Variants in RIMS2 observed in about 807,000 individuals in gnomAD.
RIMS2 encodes the protein regulating synaptic membrane exocytosis protein 2.
A neutral mutation model predicts 174.4 loss-of-function variants in RIMS2; 59 were observed. The observed-to-expected ratio is 0.34, with a 90% CI of 0.27 to 0.42. The LOEUF (loss-of-function observed/expected upper bound fraction) is 0.42. Among genes scored for constraint, RIMS2 ranks in the 10% least tolerant of loss-of-function variants. The pLI is 1.00. For synonymous variants in RIMS2, 606 were observed against 572.5 expected, an observed-to-expected ratio of 1.06 and a Z score of -0.84; for missense variants, 1,620 against 1,666.3, an observed-to-expected ratio of 0.97 and a Z score of 0.48.
intron 1 of RIMS2, among the ~76,000 whole-genome samples, chr8:103,680,906 T>C (rs1347650269): frequency 6.6e-6 from 1 of 151,972 alleles, no homozygotes; most frequent in African/African-American, 2.4e-5. Context: ...GGTTAATCCA[T>C]TTGGAAGAGC....
intron 14 of RIMS2, among the ~76,000 whole-genome samples, chr8:103,945,681 C>A (rs545331589): frequency 6.7e-6 from 1 of 149,826 alleles, no homozygotes; most frequent in South Asian, 2.1e-4. Flanking sequence ...GAAAAAAGAA[C>A]AAAAACCACA....
intron 2 of RIMS2, among the ~76,000 whole-genome samples, chr8:103,712,158 A>G (rs998381391): frequency 6.9e-6 from 1 of 144,724 alleles, no homozygotes; most frequent in Non-Finnish European, 1.5e-5. Context: ...CACCCGCTTA[A>G]TTTTTAAACT....
chr8:104,153,921 T>A (rs2098705555), intron 19 of RIMS2, among the ~76,000 whole-genome samples: 1 of 152,192 alleles, frequency 6.6e-6, no homozygotes, highest in Non-Finnish European at 1.5e-5. Flanking sequence ...ACCATTGAAT[T>A]TGGCAAGATG....
intron 19 of RIMS2, among the ~76,000 whole-genome samples, chr8:104,169,044 T>C (rs1257603895): frequency 1.3e-5 from 2 of 152,136 alleles, no homozygotes; most frequent in South Asian, 2.1e-4. Flanking sequence ...TTGGATTTGG[T>C]CAGCTAGTAT....
chr8:104,204,363 A>T (rs951856531), intron 19 of RIMS2, among the ~76,000 whole-genome samples: 7 of 151,976 alleles, frequency 4.6e-5, no homozygotes, highest in African/African-American at 1.7e-4. Context: ...ATGTGGGATT[A>T]ACTTGAGATG....
intron 19 of RIMS2, among the ~76,000 whole-genome samples, chr8:104,036,186 T>G: frequency 6.6e-6 from 1 of 151,890 alleles, no homozygotes; most frequent in East Asian, 1.9e-4. Flanking sequence ...GGTCTCTCTC[T>G]GTCACCCAGG....
intron 3 of RIMS2, among the ~76,000 whole-genome samples, chr8:103,799,477 G>T (rs1419096539): frequency 6.6e-6 from 1 of 152,124 alleles, no homozygotes; most frequent in East Asian, 1.9e-4. Context: ...TTTGTAGTCT[G>T]TCTATGTAGA....
chr8:103,946,051 A>G (rs776379976), intron 14 of RIMS2, among the ~76,000 whole-genome samples: 2 of 152,218 alleles, frequency 1.3e-5, no homozygotes, highest in Non-Finnish European at 2.9e-5. Flanking sequence ...AACTGCCTTT[A>G]TTCACAGATG....
intron 19 of RIMS2, among the ~76,000 whole-genome samples, chr8:104,153,681 G>C (rs1007814865): frequency 6.6e-6 from 1 of 152,022 alleles, no homozygotes; most frequent in East Asian, 1.9e-4. Flanking sequence ...GATTATATAT[G>C]GTAACTTGAA....
At chr8:103,907,221 G>A (rs556886805) in intron 4 of RIMS2, among the ~76,000 whole-genome samples, 19 of 152,140 alleles carry the variant, frequency 1.2e-4, no homozygotes, top group Non-Finnish European at 2.6e-4. Flanking sequence ...ATGTTCCCAG[G>A]TGTTGCTGAT....
chr8:104,151,419 G>A (rs139338666), intron 19 of RIMS2, among the ~76,000 whole-genome samples: 41 of 152,064 alleles, frequency 2.7e-4, no homozygotes, highest in Non-Finnish European at 5.4e-4. Context: ...AAATACAAAA[G>A]TTAGCCCCTC....
chr8:104,235,661 C>A (rs749025385), intron 19 of RIMS2, among the ~76,000 whole-genome samples: 3 of 152,054 alleles, frequency 2.0e-5, no homozygotes, highest in Non-Finnish European at 4.4e-5. Flanking sequence ...TTCACTCATA[C>A]ACACACATGC....
Position 103,782,433 on chromosome 8 carries a change from C to CGTGTGTGTGTGT in RIMS2, c.698+15919_698+15930dup, listed in dbSNP as rs71297237. On this transcript the variant is annotated intron_variant, in intron 3 of 23. Coordinates refer to ENST00000504942, the Ensembl canonical transcript of RIMS2. Reference sequence around the variant, plus strand: ...AAATGCTATCATGATACATAAATCCCGTGTGTGTGTGTGTGTGTGTGTGTG... The same window carrying CGTGTGTGTGTGT: ...AAATGCTATCATGATACATAAATCCCGTGTGTGTGTGTGTGTGTGTGTGTGTGTGTGTGTGTG... 2.5e-3 allele frequency among the ~76,000 whole-genome samples: 359 copies of CGTGTGTGTGTGT among 145,828 alleles called. 4 individuals carry two copies. Among genetic ancestry groups the CGTGTGTGTGTGT allele is most frequent in the African/African-American group, 8.7e-3 (345 of 39,642 alleles).
chr8:103,885,176 A>T, intron 3 of RIMS2, 122 bp from the exon 7 acceptor site: 1 of 1,364,438 alleles, frequency 7.3e-7, no homozygotes, highest in South Asian at 1.6e-5. Context: ...TATGCCTTTA[A>T]AATGAAATTT....
intron 3 of RIMS2, among the ~76,000 whole-genome samples, chr8:103,767,626 A>G (rs1031657323): frequency 1.3e-5 from 2 of 152,206 alleles, no homozygotes; most frequent in Admixed American, 1.3e-4. Context: ...ACAAATCTAA[A>G]TTGTACATAT....
intron 1 of RIMS2, among the ~76,000 whole-genome samples, chr8:103,625,548 C>T (rs1416601244): frequency 6.6e-6 from 1 of 151,942 alleles, no homozygotes; most frequent in Non-Finnish European, 1.5e-5. Flanking sequence ...TTTGTTTAGT[C>T]CTCACAACAA....
intron 3 of RIMS2, among the ~76,000 whole-genome samples, chr8:103,846,675 C>T (rs1045118529): frequency 4.6e-5 from 7 of 152,114 alleles, no homozygotes; most frequent in Admixed American, 1.3e-4. Context: ...ACCCTTTGTA[C>T]CAGTCAGAGC....
intron 1 of RIMS2, among the ~76,000 whole-genome samples, chr8:103,586,960 T>C (rs1468637995): frequency 6.6e-6 from 1 of 152,082 alleles, no homozygotes; most frequent in Non-Finnish European, 1.5e-5. Flanking sequence ...TGAGCTACTG[T>C]ATGCTATCAA....
At chr8:104,087,951 T>C (rs1363864357) in intron 19 of RIMS2, among the ~76,000 whole-genome samples, 2 of 152,056 alleles carry the variant, frequency 1.3e-5, no homozygotes, top group African/African-American at 2.4e-5. Flanking sequence ...TTGCAGAATA[T>C]TGTTTACAAG....
Sources: allele counts gnomAD v4.1 joint callset (sites outside exome capture counted in the v4.1 genomes callset), GRCh38; gene constraint gnomAD v4.1.1; transcripts MANE v1.5; gene names NCBI Gene and HGNC (gene_info 2026-07-23, HGNC 2026-07-21).